The following RARB variants were observed in gnomAD, a reference collection of about 807,000 sequenced individuals.
RARB encodes the protein HBV-activated protein.
RARB carries 17 observed loss-of-function variants against 51.9 expected under a neutral mutation model. That is an observed-to-expected ratio of 0.33 (90% CI 0.22 to 0.49). The LOEUF (loss-of-function observed/expected upper bound fraction) is 0.49. Among genes scored for constraint, RARB ranks in the 20% least tolerant of loss-of-function variants. The probability of loss-of-function intolerance (pLI) is 0.99; values close to 1 mark genes in which losing one functional copy is unlikely to be tolerated. For synonymous variants in RARB, 215 were observed against 195.4 expected, an observed-to-expected ratio of 1.10 and a Z score of -0.84; for missense variants, 369 against 550.8, an observed-to-expected ratio of 0.67 and a Z score of 3.30.
Position 25,461,242 on chromosome 3 carries a change from A to G in RARB, c.207A>G (p.Pro69=), listed in dbSNP as rs995677145. 15 of 1,612,576 alleles carry G rather than the reference A, an allele frequency of 9.3e-6. No individual in the cohort carries two copies. The highest frequency in any genetic ancestry group is 3.3e-5 in the Admixed American group (2 of 59,910). Residue 69 remains proline, a synonymous_variant, in exon 2 of 8, where the codon CCA becomes CCG. Coordinates refer to ENST00000330688, the MANE Select transcript of RARB (RefSeq NM_000965.5). ...TSSEELVPSP[P]SPLPPPRVYK... ...CTGAGGAACTCGTCCCAAGCCCCCC[A>G]TCTCCACTTCCTCCCCCTCGAGTGT...
rs1559366440 is a variant in RARB, at chr3:24,832,628, A to ATAT, written c.-459+3225_-459+3226insTAT. 3.7e-4 allele frequency among the ~76,000 whole-genome samples: 33 copies of ATAT among 88,444 alleles called. 1 individual carries two copies. Among genetic ancestry groups the ATAT allele is most frequent in the African/African-American group, 1.3e-3 (27 of 21,564 alleles). 58.0% of individuals were successfully genotyped at this position (88,444 alleles called of 152,430 possible). ...CTGTATTTAGAAAAAATTGAGTCCC[A>ATAT]ATATATATATATATATATATATAAT... On this transcript the variant is annotated intron_variant, in intron 1 of 11. Transcript: ENST00000383772.
In RARB at chr3:25,147,916, T is replaced by C. The variant is rs546402828; in HGVS notation, c.-280+15708T>C. On this transcript the variant is annotated intron_variant, in intron 4 of 11. Coordinates refer to the RARB transcript ENST00000383772. ...CCCTCTTCTTCCTACATTGAATACA[T>C]CTGTAATTGTGAGGCAAAAAGCCAA... 4.4e-4 allele frequency among the ~76,000 whole-genome samples: 67 copies of C among 152,360 alleles called. No homozygotes were observed. In the South Asian group the frequency reaches 0.013, roughly 29 times the overall value.
intron 5 of RARB, among the ~76,000 whole-genome samples, chr3:25,323,111 C>T (rs753995629): frequency 1.3e-5 from 2 of 152,134 alleles, no homozygotes; most frequent in Non-Finnish European, 2.9e-5. Flanking sequence ...ATTGGCCTCT[C>T]TCCAACAGAA....
At chr3:25,134,745 G>A (rs1038513673) in intron 4 of RARB, among the ~76,000 whole-genome samples, 2 of 151,958 alleles carry the variant, frequency 1.3e-5, no homozygotes, top group African/African-American at 4.8e-5. Flanking sequence ...TTTTCAAACA[G>A]GGTTTATGCT....
intron 5 of RARB, among the ~76,000 whole-genome samples, chr3:25,375,087 T>G (rs1706419072): frequency 6.6e-6 from 1 of 152,132 alleles, no homozygotes; most frequent in Non-Finnish European, 1.5e-5. Flanking sequence ...TGAAAAATCA[T>G]TACTCCACGG....
intron 5 of RARB, among the ~76,000 whole-genome samples, chr3:25,230,075 C>G (rs761033068): frequency 6.6e-6 from 1 of 152,102 alleles, no homozygotes; most frequent in Non-Finnish European, 1.5e-5. Flanking sequence ...TATGCTTATA[C>G]TGAAGTTTTA....
intron 5 of RARB, among the ~76,000 whole-genome samples, chr3:25,281,728 G>A (rs1703528022): frequency 6.6e-6 from 1 of 152,208 alleles, no homozygotes; most frequent in African/African-American, 2.4e-5. Flanking sequence ...ATGACTGGGA[G>A]TTGATGTGGC....
intron 5 of RARB, among the ~76,000 whole-genome samples, chr3:25,266,923 A>C (rs1703139743): frequency 6.6e-6 from 1 of 152,230 alleles, no homozygotes; most frequent in South Asian, 2.1e-4. Context: ...CTATTGTTTA[A>C]GCCCCCAGGC....
At chr3:25,064,766 C>A (rs1488947322) in intron 3 of RARB, among the ~76,000 whole-genome samples, 2 of 152,060 alleles carry the variant, frequency 1.3e-5, no homozygotes, top group Admixed American at 1.3e-4. Flanking sequence ...GACTCAGAGC[C>A]CCACAATTTG....
At chr3:25,405,987 G>C (rs1479209193) in intron 5 of RARB, among the ~76,000 whole-genome samples, 4 of 152,002 alleles carry the variant, frequency 2.6e-5, no homozygotes, top group Non-Finnish European at 5.9e-5. Context: ...ATAATACTGT[G>C]GTCACTATCC....
intron 4 of RARB, among the ~76,000 whole-genome samples, chr3:25,575,807 A>C (rs1229080953): frequency 6.6e-6 from 1 of 152,252 alleles, no homozygotes; most frequent in East Asian, 1.9e-4. Flanking sequence ...TACTCGGGCT[A>C]GGATTTCAAC....
At chr3:25,076,593 G>A (rs1247798861) in intron 3 of RARB, among the ~76,000 whole-genome samples, 1 of 152,064 alleles carries the variant, frequency 6.6e-6, no homozygotes, top group Non-Finnish European at 1.5e-5. Context: ...TCCCAATGTA[G>A]CTCCACTTTT....
intron 5 of RARB, among the ~76,000 whole-genome samples, chr3:25,370,395 G>A (rs568800555): frequency 6.6e-6 from 1 of 152,178 alleles, no homozygotes; most frequent in African/African-American, 2.4e-5. Flanking sequence ...GGGTAGCAAG[G>A]TGCTTACACA....
intron 3 of RARB, among the ~76,000 whole-genome samples, chr3:25,555,261 T>C (rs1315962517): frequency 1.3e-5 from 2 of 152,208 alleles, no homozygotes; most frequent in East Asian, 1.9e-4. Context: ...CTCCTTCACC[T>C]CTTTCAGCTC....
chr3:25,497,862 G>A (rs1236021152), intron 2 of RARB, among the ~76,000 whole-genome samples: 1 of 152,156 alleles, frequency 6.6e-6, no homozygotes, highest in Non-Finnish European at 1.5e-5. Context: ...TGAAGTTTGG[G>A]GGTTCTAATT....
intron 3 of RARB, among the ~76,000 whole-genome samples, chr3:25,102,438 G>A (rs1192123424): frequency 6.6e-6 from 1 of 151,998 alleles, no homozygotes. Flanking sequence ...TACTCGGGGG[G>A]CTGAGGCAGA....
Position 25,163,947 on chromosome 3 carries a change from G to A in RARB, c.-279-10172G>A, listed in dbSNP as rs536547424. 5.3e-5 allele frequency among the ~76,000 whole-genome samples: 8 copies of A among 152,254 alleles called. 1 individual carries two copies. Among genetic ancestry groups the A allele is most frequent in the Admixed American group, 3.9e-4 (6 of 15,296 alleles). On this transcript the variant is annotated intron_variant, in intron 4 of 11. Coordinates refer to the RARB transcript ENST00000383772. ...TCTTGTTCTCAAAGGAACTAACTGC[G>A]TCTCACACAGTATGCAAAATGGGTA...
chr3:25,412,185 G>A (rs1226941976), intron 5 of RARB, among the ~76,000 whole-genome samples: 1 of 152,088 alleles, frequency 6.6e-6, no homozygotes, highest in Non-Finnish European at 1.5e-5. Flanking sequence ...ATGAACTAGA[G>A]GACAATGGAT....
intron 2 of RARB, among the ~76,000 whole-genome samples, chr3:25,038,228 A>T (rs529547274): frequency 6.6e-6 from 1 of 152,208 alleles, no homozygotes; most frequent in Admixed American, 6.5e-5. Flanking sequence ...TACTTGGTAA[A>T]TTGAACCTCT....
Sources: allele counts gnomAD v4.1 joint callset (sites outside exome capture counted in the v4.1 genomes callset), GRCh38; gene constraint gnomAD v4.1.1; transcripts MANE v1.5; gene names NCBI Gene and HGNC (gene_info 2026-07-23, HGNC 2026-07-21).